The following ASPRV1 variants were observed in gnomAD, a reference collection of about 807,000 sequenced individuals.
ASPRV1 encodes retroviral-like aspartic protease 1.
In ASPRV1, 7 loss-of-function variants were observed where a neutral mutation model predicts 11.0. The ratio of observed to expected loss-of-function variants is 0.64; its 90% CI spans 0.36 to 1.20. The LOEUF (loss-of-function observed/expected upper bound fraction) is 1.20. Ranked by LOEUF, ASPRV1 falls within the 50% of genes most tolerant of loss-of-function variation. The pLI, the probability that ASPRV1 is intolerant of heterozygous loss-of-function variation, is 0.02. For missense variants in ASPRV1, 299 were observed against 320.0 expected (o/e 0.93, Z 0.50); for synonymous variants, 136 against 138.4 (o/e 0.98, Z 0.12).
chr2:70,021,256 G>A, the ASPRV1 span, among the ~76,000 whole-genome samples: 1 of 151,526 alleles, frequency 6.6e-6, no homozygotes, highest in Non-Finnish European at 1.5e-5. Context: ...AAGTTGTATA[G>A]TATTCCATGG....
At chr2:69,958,082 T>A (rs1677980571), downstream of ASPRV1, among the ~76,000 whole-genome samples, 1 of 152,114 alleles carries the variant, frequency 6.6e-6, no homozygotes, top group Admixed American at 6.5e-5. Flanking sequence ...CACAACCCAC[T>A]TTTTCTGGCT....
At chr2:70,039,079 C>CAAA in the ASPRV1 span, among the ~76,000 whole-genome samples, 1 of 66,154 alleles carries the variant, frequency 1.5e-5, no homozygotes, top group Non-Finnish European at 3.2e-5. Flanking sequence ...AACTCCATCT[C>CAAA]AAAAAAAAAA....
chr2:70,033,960 C>T, the ASPRV1 span, among the ~76,000 whole-genome samples: 1 of 151,702 alleles, frequency 6.6e-6, no homozygotes, highest in African/African-American at 2.4e-5. Context: ...CAAGACCATC[C>T]TGGCTAACAC....
the ASPRV1 span, among the ~76,000 whole-genome samples, chr2:70,007,269 G>T: frequency 6.6e-6 from 1 of 152,220 alleles, no homozygotes; most frequent in Non-Finnish European, 1.5e-5. Context: ...TGTAATCCCA[G>T]CACCTTGGGA....
the ASPRV1 span, among the ~76,000 whole-genome samples, chr2:70,058,984 T>A: frequency 2.0e-5 from 3 of 149,910 alleles, no homozygotes; most frequent in South Asian, 6.4e-4. Flanking sequence ...CCTCCCAGGT[T>A]CACGCCATTC....
At chr2:69,985,471 T>C in the ASPRV1 span, among the ~76,000 whole-genome samples, 1 of 152,188 alleles carries the variant, frequency 6.6e-6, no homozygotes, top group African/African-American at 2.4e-5. Context: ...TCACTCCAGA[T>C]ACTTGGTTGT....
chr2:70,031,245 T>TA, the ASPRV1 span: 13 of 152,320 alleles, frequency 8.5e-5, no homozygotes, highest in African/African-American at 3.1e-4. Flanking sequence ...ATGACAAACT[T>TA]ACAATTCAGC....
chr2:70,061,467 G>A, the ASPRV1 span, among the ~76,000 whole-genome samples: 1 of 151,796 alleles, frequency 6.6e-6, no homozygotes, highest in Non-Finnish European at 1.5e-5. Flanking sequence ...GAGTGTTCCA[G>A]GCAGAGGCTA....
the ASPRV1 span, among the ~76,000 whole-genome samples, chr2:69,974,706 G>A: frequency 9.9e-4 from 151 of 152,344 alleles, no homozygotes; most frequent in Non-Finnish European, 1.7e-3. Context: ...GGAGGGCTTC[G>A]CCATTCACCC....
the ASPRV1 span, among the ~76,000 whole-genome samples, chr2:70,044,913 G>T: frequency 6.6e-6 from 1 of 152,192 alleles, no homozygotes; most frequent in African/African-American, 2.4e-5. Flanking sequence ...TTATGTAGAT[G>T]ATAGGACAGA....
the ASPRV1 span, chr2:70,045,975 G>A: frequency 6.6e-6 from 1 of 152,152 alleles, no homozygotes; most frequent in Non-Finnish European, 1.5e-5. Context: ...CTCTCCTAAA[G>A]GACAGGAGAC....
chr2:70,039,061 G>GAAAGCAA, the ASPRV1 span, among the ~76,000 whole-genome samples: 2 of 132,918 alleles, frequency 1.5e-5, no homozygotes, highest in Non-Finnish European at 3.1e-5. Flanking sequence ...CCGGGGCAAC[G>GAAAGCAA]AAAGCAAAAC....
At chr2:70,067,316 A>C in the ASPRV1 span, among the ~76,000 whole-genome samples, 91 of 152,320 alleles carry the variant, frequency 6.0e-4, no homozygotes, top group African/African-American at 2.2e-3. Flanking sequence ...GCACTGGAGA[A>C]GGAGCAAGTG....
chr2:70,062,116 C>T, the ASPRV1 span, among the ~76,000 whole-genome samples: 6 of 151,620 alleles, frequency 4.0e-5, no homozygotes, highest in South Asian at 2.1e-4. Flanking sequence ...AGTGAAACCC[C>T]GTCTCTACTA....
the ASPRV1 span, among the ~76,000 whole-genome samples, chr2:70,009,480 C>A: frequency 6.6e-6 from 1 of 152,122 alleles, no homozygotes; most frequent in Non-Finnish European, 1.5e-5. Context: ...CAGGCATGCA[C>A]CACCATGCCC....
chr2:69,992,613 A>C, the ASPRV1 span, among the ~76,000 whole-genome samples: 1 of 152,204 alleles, frequency 6.6e-6, no homozygotes, highest in African/African-American at 2.4e-5. Flanking sequence ...TCCCACTGAA[A>C]TAATAATTCC....
At chr2:70,009,718 G>A in the ASPRV1 span, among the ~76,000 whole-genome samples, 1 of 152,186 alleles carries the variant, frequency 6.6e-6, no homozygotes, top group Non-Finnish European at 1.5e-5. Flanking sequence ...TTGGCTGGTG[G>A]GCAGACCTTT....
chr2:69,937,878 T>C, the ASPRV1 span, among the ~76,000 whole-genome samples: 1,616 of 152,298 alleles, frequency 0.011, 22 homozygotes, highest in African/African-American at 0.037. Context: ...CCTCCCAAAG[T>C]GCTGGGATTA....
At chr2:69,988,855 G>A in the ASPRV1 span, 3 of 456,296 alleles carry the variant, frequency 6.6e-6, no homozygotes, top group East Asian at 1.4e-4. Context: ...TAGGATGGGA[G>A]GGGTCAGGAA....
Sources: allele counts gnomAD v4.1 joint callset (sites outside exome capture counted in the v4.1 genomes callset), GRCh38; gene constraint gnomAD v4.1.1; transcripts MANE v1.5; gene names NCBI Gene and HGNC (gene_info 2026-07-23, HGNC 2026-07-21).